The following DLGAP4 variants were observed in gnomAD, a reference collection of about 807,000 sequenced individuals.
DLGAP4 encodes DLG associated protein 4, also known as disks large-associated protein 4.
In DLGAP4, 18 loss-of-function variants were observed where a neutral mutation model predicts 86.9. The observed-to-expected ratio is 0.21, with a 90% CI of 0.14 to 0.31. DLGAP4 has a LOEUF of 0.31. DLGAP4 is among the 10% of genes least tolerant of loss of function. DLGAP4 has a pLI of 1.00. For synonymous variants in DLGAP4, 548 were observed against 574.3 expected (o/e 0.95, Z 0.65); for missense variants, 1,085 against 1,362.6 (o/e 0.80, Z 3.21).
intron 4 of DLGAP4, among the ~76,000 whole-genome samples, chr20:36,438,357 G>A (rs546322976): frequency 1.5e-5 from 2 of 129,582 alleles, no homozygotes; most frequent in Non-Finnish European, 3.4e-5. Context: ...CTGGGTGACA[G>A]AGTGAGACTG....
At chr20:36,470,629 T>A (rs1296124328) in intron 7 of DLGAP4, among the ~76,000 whole-genome samples, 3 of 151,782 alleles carry the variant, frequency 2.0e-5, no homozygotes, top group Admixed American at 2.0e-4. Context: ...CCCAGACACC[T>A]AATCACTGTG....
intron 7 of DLGAP4, chr20:36,462,664 AT>A: frequency 6.5e-7 from 1 of 1,545,758 alleles, no homozygotes; most frequent in Non-Finnish European, 8.7e-7. Context: ...CCGAGGCTCC[AT>A]GGGGTTGGCG....
chr20:36,471,024 G>A (rs1756221004), intron 7 of DLGAP4, among the ~76,000 whole-genome samples: 2 of 152,240 alleles, frequency 1.3e-5, no homozygotes, highest in South Asian at 4.2e-4. Flanking sequence ...AAGAGTCTGT[G>A]CGCTTAAAAT....
At chr20:36,353,278 C>A (rs1205790355) in intron 1 of DLGAP4, among the ~76,000 whole-genome samples, 2 of 152,194 alleles carry the variant, frequency 1.3e-5, no homozygotes, top group Non-Finnish European at 2.9e-5. Context: ...CCCCCTCCAA[C>A]CCACACTGCC....
intron 7 of DLGAP4, chr20:36,461,663 G>GCCCCCCC: frequency 1.6e-5 from 1 of 63,046 alleles, no homozygotes; most frequent in Non-Finnish European, 1.9e-5. Context: ...GGGCCGCCCC[G>GCCCCCCC]CCCGGCCCGG....
intron 2 of DLGAP4, among the ~76,000 whole-genome samples, chr20:36,410,145 G>A (rs541698987): frequency 1.1e-4 from 16 of 152,150 alleles, no homozygotes; most frequent in Non-Finnish European, 1.5e-4. Context: ...TAAAATTCTT[G>A]GACCCCTCTT....
intron 2 of DLGAP4, among the ~76,000 whole-genome samples, chr20:36,426,213 A>G (rs1331962579): frequency 6.6e-6 from 1 of 152,220 alleles, no homozygotes. Context: ...GACAGAAAGT[A>G]GGTTAAATAT....
intron 2 of DLGAP4, among the ~76,000 whole-genome samples, chr20:36,380,643 GAGAGAGAGA>G (rs2031352132): frequency 1.2e-5 from 1 of 83,290 alleles, no homozygotes; most frequent in Non-Finnish European, 2.6e-5. Flanking sequence ...GAGAGAGAGA[GAGAGAGAGA>G]GAGAGAGAGA....
intron 1 of DLGAP4, among the ~76,000 whole-genome samples, chr20:36,322,121 T>C (rs1600397084): frequency 1.3e-5 from 2 of 152,242 alleles, no homozygotes; most frequent in East Asian, 3.9e-4. Context: ...AAAGGCTTCC[T>C]GGAGGAGGTG....
At chr20:36,419,366 A>C (rs1348140486) in intron 2 of DLGAP4, among the ~76,000 whole-genome samples, 1 of 152,054 alleles carries the variant, frequency 6.6e-6, no homozygotes, top group Non-Finnish European at 1.5e-5. Flanking sequence ...CCTGGCCTCA[A>C]GTGATCTTCC....
In DLGAP4 at chr20:36,500,546, A is replaced by C. The variant is rs958659807; in HGVS notation, c.2447A>C (p.Glu816Ala). Reference protein sequence around the residue: ...WFLKLLQAETERLEGWCCQMD... With the variant: ...WFLKLLQAETARLEGWCCQMD... ...CTAAAGCTACTGCAGGCAGAAACAG[A>C]GCGGCTGGAAGGCTGGTGCTGCCAG... is the stretch of plus-strand genomic sequence containing the variant. The change falls in exon 10 of 13, where the codon GAG (glutamate) becomes GCG (alanine). Residue 816 changes from glutamate (E) to alanine (A), a missense_variant. This residue lies in a region of DLGAP4 where 1,082 missense variants were observed against 1,344.1 expected (regional missense o/e 0.81). Transcript: ENST00000339266. The surrounding 1 kb of genome is among the most constrained non-coding windows in gnomAD (Gnocchi z 4.6). 8 of 1,539,348 alleles carry C rather than the reference A, an allele frequency of 5.2e-6. No homozygotes were observed. The highest frequency in any genetic ancestry group is 1.4e-5 in the African/African-American group (1 of 72,218).
intron 1 of DLGAP4, among the ~76,000 whole-genome samples, chr20:36,348,659 C>T (rs965472328): frequency 7.2e-5 from 11 of 151,952 alleles, no homozygotes; most frequent in Admixed American, 6.6e-5. Context: ...CCTTGTGATC[C>T]GCCCACTTCG....
intron 2 of DLGAP4, among the ~76,000 whole-genome samples, chr20:36,422,202 C>A (rs983663316): frequency 7.2e-5 from 11 of 152,258 alleles, no homozygotes; most frequent in Middle Eastern, 6.8e-3. Flanking sequence ...AGGTCTAAGG[C>A]AGAGAATGTG....
chr20:36,437,097 A>G (rs1236665382), intron 4 of DLGAP4, among the ~76,000 whole-genome samples: 1 of 152,160 alleles, frequency 6.6e-6, no homozygotes, highest in Non-Finnish European at 1.5e-5. Flanking sequence ...CTTCAGATCC[A>G]GGTGAACTCA....
rs2065253350 is a variant in DLGAP4, at chr20:36,330,175, A to G, written c.-304+23663A>G. On this transcript the variant is annotated intron_variant, in intron 1 of 12. Coordinates refer to ENST00000339266, the MANE Select transcript of DLGAP4 (RefSeq NM_001365621.2). Reference sequence around the variant, plus strand: ...GCTTTTGTAACAAGAAAAAAATGACAATTAAAACACAGTGTGTCTCGTTCT... The same window carrying G: ...GCTTTTGTAACAAGAAAAAAATGACGATTAAAACACAGTGTGTCTCGTTCT... Among the ~76,000 whole-genome samples the G allele has an allele frequency of 2.0e-5, 3 of 152,214 alleles. No individual in the cohort carries two copies. In the South Asian group the frequency reaches 6.2e-4, roughly 31 times the overall value.
chr20:36,429,750 T>A (rs1470866988), intron 2 of DLGAP4, among the ~76,000 whole-genome samples: 1 of 152,168 alleles, frequency 6.6e-6, no homozygotes, highest in Non-Finnish European at 1.5e-5. Flanking sequence ...CTTGAGCCTA[T>A]CCAGATAATT....
chr20:36,322,169 C>T (rs1475743001), intron 1 of DLGAP4, among the ~76,000 whole-genome samples: 1 of 151,992 alleles, frequency 6.6e-6, no homozygotes, highest in Non-Finnish European at 1.5e-5. Context: ...GGAGAAGTTG[C>T]CCCAGCAAAG....
rs1163294411 is a variant in DLGAP4 at position 36,350,480 on chromosome 20, T to C, written c.-303-16565T>C. On this transcript the variant is annotated intron_variant, in intron 1 of 12. Coordinates refer to ENST00000339266, the MANE Select transcript of DLGAP4 (RefSeq NM_001365621.2). This position sits in a 1 kb window ranked among gnomAD's most constrained non-coding sequence, Gnocchi z 4.4. ...AATTCAACTTCCTTCAATATCTCAATTTGCAGGTGCTTAATGAAAATGCAT... is the reference window on the plus strand; with the variant it reads ...AATTCAACTTCCTTCAATATCTCAACTTGCAGGTGCTTAATGAAAATGCAT... Among the ~76,000 whole-genome samples the C allele has an allele frequency of 6.6e-6, 1 of 152,152 alleles. No homozygotes were observed. Among genetic ancestry groups the C allele is most frequent in the Non-Finnish European group, 1.5e-5 (1 of 68,026 alleles).
chr20:36,432,805 A>G lies in DLGAP4; in HGVS notation c.999+89A>G. 6.7e-7 allele frequency: 1 copy of G among 1,500,090 alleles called. No individual in the cohort carries two copies. The highest frequency in any genetic ancestry group is 1.3e-5 in the South Asian group (1 of 78,938). 92.9% of individuals were successfully genotyped at this position (1,500,090 alleles called of 1,614,324 possible). A position where few individuals can be genotyped will look rare whatever the true frequency, so the allele number is the denominator to read the frequency against. ...TAGACGTACCACAGATTCACTTGGA[A>G]AGTCACTTCATTCTGGGCCTCTGTG... On this transcript the variant is annotated intron_variant, in intron 3 of 12. Transcript: ENST00000339266. The surrounding 1 kb of genome is among the most constrained non-coding windows in gnomAD (Gnocchi z 6.5).
Sources: gnomAD v4.1 joint callset for allele counts (sites outside exome capture counted in the v4.1 genomes callset) on GRCh38, gnomAD v4.1.1 for gene constraint, gnomAD v4.1.1 regional missense constraint, Gnocchi (gnomAD v3.1) non-coding constraint, MANE v1.5 for transcripts, NCBI Gene and HGNC (gene_info 2026-07-23, HGNC 2026-07-21) for gene names.